The following TRIP12 variants were observed in gnomAD, a reference collection of about 807,000 sequenced individuals.
TRIP12 encodes the protein E3 ubiquitin-protein ligase TRIP12.
In TRIP12, 25 loss-of-function variants were observed where a neutral mutation model predicts 244.2. The ratio of observed to expected loss-of-function variants is 0.10; its 90% CI spans 0.07 to 0.14. The LOEUF is 0.14. Ranked by LOEUF, TRIP12 falls within the 10% of genes least tolerant of loss-of-function variation. TRIP12 has a pLI of 1.00. For missense variants in TRIP12, 1,677 were observed against 2,486.4 expected, an observed-to-expected ratio of 0.67 and a Z score of 6.92; for synonymous variants, 905 against 873.1, an observed-to-expected ratio of 1.04 and a Z score of -0.64.
intron 8 of TRIP12, among the ~76,000 whole-genome samples, chr2:229,825,851 G>A (rs1223780080): frequency 1.3e-5 from 2 of 152,130 alleles, no homozygotes; most frequent in African/African-American, 2.4e-5. Context: ...CTAAGGTTAT[G>A]GCCAAAAGAT....
chr2:229,860,057 T>A (rs1023083313), intron 3 of TRIP12, among the ~76,000 whole-genome samples: 2 of 152,058 alleles, frequency 1.3e-5, no homozygotes, highest in African/African-American at 4.8e-5. Context: ...AACAATTAAA[T>A]CTTAAGAATC....
At chr2:229,806,472 C>G (rs2045906120) in intron 17 of TRIP12, among the ~76,000 whole-genome samples, 1 of 152,294 alleles carries the variant, frequency 6.6e-6, no homozygotes, top group African/African-American at 2.4e-5. Context: ...AAACAGACTA[C>G]AGAAGTGACA....
At chr2:229,886,765 C>A (rs2066117439) in intron 1 of TRIP12, among the ~76,000 whole-genome samples, 1 of 152,124 alleles carries the variant, frequency 6.6e-6, no homozygotes, top group African/African-American at 2.4e-5. Context: ...CTGTGCCCGG[C>A]CAAACTAGTA....
intron 1 of TRIP12, among the ~76,000 whole-genome samples, chr2:229,902,716 C>T (rs943665881): frequency 5.9e-5 from 9 of 152,122 alleles, no homozygotes; most frequent in African/African-American, 2.2e-4. Flanking sequence ...GAGGTATCCA[C>T]GAGCTTCAGA....
At chr2:229,855,625 G>GAA (rs1262164225) in intron 4 of TRIP12, among the ~76,000 whole-genome samples, 1 of 95,800 alleles carries the variant, frequency 1.0e-5, no homozygotes. Flanking sequence ...AAAAAAAAAA[G>GAA]AGAAAAGAAA....
At position 229,891,034 on chromosome 2, in the gene TRIP12, A is replaced by G. The variant is rs1332978177; in HGVS notation, c.-49-10906T>C. Among the ~76,000 whole-genome samples, 10 of 152,172 alleles carry G rather than the reference A, an allele frequency of 6.6e-5. 1 individual carries two copies. Among genetic ancestry groups the G allele is most frequent in the Admixed American group, 2.6e-4 (4 of 15,274 alleles). On this transcript the variant is annotated intron_variant, in intron 1 of 41. Coordinates refer to ENST00000675903, the MANE Select transcript of TRIP12 (RefSeq NM_001348323.3). ...GTCTCATGCCTATAATCCCAGCACTATGGGAGGCCAAGGCACAAGAAGGTG... is the reference window on the plus strand; with the variant it reads ...GTCTCATGCCTATAATCCCAGCACTGTGGGAGGCCAAGGCACAAGAAGGTG...
upstream of TRIP12, chr2:229,922,446 TG>T: frequency 4.1e-6 from 6 of 1,461,126 alleles, no homozygotes; most frequent in Non-Finnish European, 5.8e-6. Context: ...ACTAGGGTTT[TG>T]GCCCCTTGAC....
chr2:229,784,549 C>T (rs1188873064), intron 34 of TRIP12, among the ~76,000 whole-genome samples: 2 of 143,518 alleles, frequency 1.4e-5, no homozygotes, highest in African/African-American at 5.1e-5. Context: ...TTCATCAAAA[C>T]TGAAAATTTC....
At position 229,778,613 on chromosome 2, in the gene TRIP12, T is replaced by C; in HGVS notation, c.5210-26A>G. 2.5e-6 allele frequency: 4 copies of C among 1,591,870 alleles called. No individual in the cohort carries two copies. The highest frequency in any genetic ancestry group is 3.4e-6 in the Non-Finnish European group (4 of 1,170,212). On this transcript the variant is annotated intron_variant, in intron 35 of 41. Coordinates refer to ENST00000675903, the MANE Select transcript of TRIP12 (RefSeq NM_001348323.3). This position sits in a 1 kb window ranked among gnomAD's most constrained non-coding sequence, Gnocchi z 4.1. Reference sequence around the variant, plus strand: ...CTGAAAAACAAGCAATGCAGCAAACTTCAGATGATGTTTCCAAAAACAAAA... The same window carrying C: ...CTGAAAAACAAGCAATGCAGCAAACCTCAGATGATGTTTCCAAAAACAAAA...
chr2:229,910,698 G>A (rs1315186537), intron 1 of TRIP12, among the ~76,000 whole-genome samples: 1 of 151,900 alleles, frequency 6.6e-6, no homozygotes, highest in Non-Finnish European at 1.5e-5. Context: ...CCACACCAAA[G>A]GCTGAAATAC....
rs200238716 is a variant in TRIP12 at position 229,792,951 on chromosome 2, G to A, written c.4141+22C>T. 75 of 1,602,660 alleles carry A rather than the reference G, an allele frequency of 4.7e-5. No homozygotes were observed. In the East Asian group the frequency reaches 8.3e-4, roughly 18 times the overall value. On this transcript the variant is annotated intron_variant, in intron 27 of 41. Transcript: ENST00000675903. ...TCCCAAATATACATATATAACACAC[G>A]AAACAAATATATGGAAAGTACCTCT...
chr2:229,864,047 A>AGAGAGAGAGTGT, intron 2 of TRIP12, among the ~76,000 whole-genome samples: 72 of 79,310 alleles, frequency 9.1e-4, no homozygotes, highest in Admixed American at 3.5e-3. Flanking sequence ...AGAGAGAGAG[A>AGAGAGAGAGTGT]GTGTGTGTGT....
chr2:229,905,215 G>A (rs1158703211), intron 1 of TRIP12, among the ~76,000 whole-genome samples: 1 of 151,628 alleles, frequency 6.6e-6, no homozygotes, highest in East Asian at 1.9e-4. Flanking sequence ...CAGACGTTGC[G>A]GTGAGCCGAG....
intron 1 of TRIP12, among the ~76,000 whole-genome samples, chr2:229,902,648 T>C (rs1037529935): frequency 9.9e-5 from 15 of 152,224 alleles, no homozygotes; most frequent in African/African-American, 3.6e-4. Flanking sequence ...CATTTTGAGA[T>C]CTTTGGTTTT....
intron 6 of TRIP12, among the ~76,000 whole-genome samples, chr2:229,834,735 G>A (rs2054337574): frequency 6.6e-6 from 1 of 151,910 alleles, no homozygotes. Flanking sequence ...ACTCCAACCT[G>A]GGCAACAGAG....
At chr2:229,818,140 G>T (rs2048972324) in intron 9 of TRIP12, among the ~76,000 whole-genome samples, 1 of 152,166 alleles carries the variant, frequency 6.6e-6, no homozygotes. Context: ...GTATCAAGAA[G>T]TGGGTGACTA....
chr2:229,805,522 G>A (rs2045656229), intron 18 of TRIP12, among the ~76,000 whole-genome samples: 1 of 152,090 alleles, frequency 6.6e-6, no homozygotes, highest in African/African-American at 2.4e-5. Flanking sequence ...CAGGACATCA[G>A]GTAAGCAGAC....
intron 1 of TRIP12, among the ~76,000 whole-genome samples, chr2:229,884,228 TTTC>T (rs1282506613): frequency 1.5e-5 from 2 of 130,484 alleles, no homozygotes; most frequent in Non-Finnish European, 3.2e-5. Flanking sequence ...TTTTGCAATT[TTTC>T]TTTTCTTTTT....
chr2:229,892,361 A>C (rs1576758520), intron 1 of TRIP12, among the ~76,000 whole-genome samples: 1 of 152,190 alleles, frequency 6.6e-6, no homozygotes, highest in East Asian at 1.9e-4. Flanking sequence ...AAGTCTGCAA[A>C]AATACACCTA....
Sources: gnomAD v4.1 joint callset for allele counts (sites outside exome capture counted in the v4.1 genomes callset) on GRCh38, gnomAD v4.1.1 for gene constraint, Gnocchi (gnomAD v3.1) non-coding constraint, MANE v1.5 for transcripts, NCBI Gene and HGNC (gene_info 2026-07-23, HGNC 2026-07-21) for gene names.